Variants in MLIP observed in about 807,000 individuals in gnomAD.
MLIP encodes muscular LMNA-interacting protein.
MLIP carries 79 observed loss-of-function variants against 84.8 expected under a neutral mutation model. The observed-to-expected ratio is 0.93, with a 90% CI of 0.78 to 1.12. MLIP has a LOEUF of 1.12. Ranked by LOEUF, MLIP falls within the 50% of genes most tolerant of loss-of-function variation. The pLI is 0.00. For synonymous variants in MLIP, 504 were observed against 463.0 expected, an observed-to-expected ratio of 1.09 and a Z score of -1.14; for missense variants, 1,257 against 1,160.6, an observed-to-expected ratio of 1.08 and a Z score of -1.21.
chr6:54,216,095 T>A (rs1779836617), intron 11 of MLIP: 3 of 924,658 alleles, frequency 3.2e-6, no homozygotes, highest in Non-Finnish European at 3.9e-6. Flanking sequence ...TGTTGCCATA[T>A]CTAATTGTTA....
intron 1 of MLIP, among the ~76,000 whole-genome samples, chr6:54,100,037 T>A (rs2150387303): frequency 6.6e-6 from 1 of 152,300 alleles, no homozygotes; most frequent in African/African-American, 2.4e-5. Context: ...TGGTTCTACG[T>A]ACACACTTAA....
chr6:54,038,236 C>T (rs1387556058), intron 1 of MLIP, among the ~76,000 whole-genome samples: 5 of 151,850 alleles, frequency 3.3e-5, no homozygotes, highest in Non-Finnish European at 5.9e-5. Context: ...GAGGTTTCCC[C>T]TTATGTTTGA....
At chr6:54,134,471 G>A (rs1771643952) in intron 3 of MLIP, among the ~76,000 whole-genome samples, 2 of 151,762 alleles carry the variant, frequency 1.3e-5, no homozygotes, top group Non-Finnish European at 2.9e-5. Context: ...TAAAAATTAT[G>A]TGCAGATTAA....
intron 8 of MLIP, among the ~76,000 whole-genome samples, chr6:54,161,256 C>T (rs1012195848): frequency 4.6e-5 from 7 of 151,862 alleles, no homozygotes; most frequent in Middle Eastern, 3.4e-3. Context: ...AGAGCTTTAA[C>T]GGAAGTATTA....
At chr6:54,123,088 C>A (rs552619763) in intron 2 of MLIP, among the ~76,000 whole-genome samples, 56 of 141,212 alleles carry the variant, frequency 4.0e-4, no homozygotes, top group Middle Eastern at 3.6e-3. Flanking sequence ...CCTCTGCCAC[C>A]GCGCCCGGCT....
At chr6:54,165,881 A>G (rs2150578215) in intron 8 of MLIP, among the ~76,000 whole-genome samples, 1 of 151,982 alleles carries the variant, frequency 6.6e-6, no homozygotes, top group Non-Finnish European at 1.5e-5. Flanking sequence ...TATGAATGGG[A>G]TAAGTTCCCT....
At chr6:54,057,242 C>G (rs974991191) in intron 1 of MLIP, among the ~76,000 whole-genome samples, 3 of 152,164 alleles carry the variant, frequency 2.0e-5, no homozygotes, top group African/African-American at 7.2e-5. Flanking sequence ...CATAACAATT[C>G]CATATGGCTG....
In MLIP at chr6:54,103,903, G is replaced by T. The variant is rs1210122106; in HGVS notation, c.64-17544G>T. Among the ~76,000 whole-genome samples, 5 of 152,094 alleles carry T rather than the reference G, an allele frequency of 3.3e-5. No individual in the cohort carries two copies. In the East Asian group the frequency reaches 7.7e-4, roughly 23 times the overall value. On this transcript the variant is annotated intron_variant, in intron 1 of 12. Transcript: ENST00000274897. ...ATGTGACTCTAATGACAAAACATTG[G>T]CTATCATTGTTCTTTTCTATTATAT...
intron 13 of MLIP, among the ~76,000 whole-genome samples, chr6:54,257,576 C>T (rs1172770479): frequency 6.6e-6 from 1 of 152,006 alleles, no homozygotes; most frequent in African/African-American, 2.4e-5. Flanking sequence ...TAGAGTTCCC[C>T]GTGTCTGATA....
chr6:54,155,753 A>G (rs560736872), intron 5 of MLIP, among the ~76,000 whole-genome samples: 4 of 152,056 alleles, frequency 2.6e-5, no homozygotes, highest in Admixed American at 1.3e-4. Context: ...CCTAATTTTA[A>G]TGTAGTGCTA....
chr6:54,220,984 A>G (rs1196287670), intron 11 of MLIP, among the ~76,000 whole-genome samples: 1 of 152,158 alleles, frequency 6.6e-6, no homozygotes, highest in Non-Finnish European at 1.5e-5. Context: ...CATGAGAAGG[A>G]TTATGAAAAT....
chr6:54,221,487 CA>C (rs1780216513), intron 11 of MLIP, among the ~76,000 whole-genome samples: 1 of 151,778 alleles, frequency 6.6e-6, no homozygotes, highest in Non-Finnish European at 1.5e-5. Context: ...TCATAATCTG[CA>C]AAATGGGCAG....
At chr6:54,211,126 G>C (rs1029626508) in intron 11 of MLIP, among the ~76,000 whole-genome samples, 1 of 152,090 alleles carries the variant, frequency 6.6e-6, no homozygotes, top group Non-Finnish European at 1.5e-5. Flanking sequence ...TATAATCCCA[G>C]CTACTCAGGA....
At chr6:54,024,740 G>A (rs929220504) in intron 1 of MLIP, among the ~76,000 whole-genome samples, 2 of 152,162 alleles carry the variant, frequency 1.3e-5, no homozygotes, top group Non-Finnish European at 2.9e-5. Flanking sequence ...TTCTCACATG[G>A]ACCTGTGGTA....
At chr6:54,033,709 C>T (rs557812793) in intron 1 of MLIP, among the ~76,000 whole-genome samples, 1 of 152,144 alleles carries the variant, frequency 6.6e-6, no homozygotes, top group East Asian at 1.9e-4. Context: ...CTCCCCATCA[C>T]CCCTTTATGA....
Position 54,206,459 on chromosome 6 carries a change from A to T in MLIP, c.2718+4226A>T, listed in dbSNP as rs191481347. Among the ~76,000 whole-genome samples the T allele has an allele frequency of 1.9e-3, 296 of 151,834 alleles. 1 individual carries two copies. Among genetic ancestry groups the T allele is most frequent in the Non-Finnish European group, 1.6e-3 (107 of 67,872 alleles). ...TGAGAAATAACACTTTCCAGCATGT[A>T]TGCCTCTTAAAATTTATTTTTCTTC... On this transcript the variant is annotated intron_variant, in intron 11 of 13. Transcript: ENST00000502396.
intron 12 of MLIP, among the ~76,000 whole-genome samples, chr6:54,243,429 C>T (rs945441523): frequency 6.6e-6 from 1 of 152,094 alleles, no homozygotes; most frequent in African/African-American, 2.4e-5. Context: ...TTCCACCTTC[C>T]TGAACATAAT....
chr6:54,210,157 G>T (rs1450416959), intron 11 of MLIP, among the ~76,000 whole-genome samples: 1 of 152,290 alleles, frequency 6.6e-6, no homozygotes, highest in Non-Finnish European at 1.5e-5. Flanking sequence ...GCACCGCACC[G>T]CACCGCACCA....
intron 4 of MLIP, among the ~76,000 whole-genome samples, chr6:54,140,117 A>G (rs1411003397): frequency 6.6e-6 from 1 of 152,158 alleles, no homozygotes; most frequent in Non-Finnish European, 1.5e-5. Flanking sequence ...TCACAATCTA[A>G]TCATTACTGT....
Sources: gnomAD v4.1 joint callset for allele counts (sites outside exome capture counted in the v4.1 genomes callset) on GRCh38, gnomAD v4.1.1 for gene constraint, MANE v1.5 for transcripts, NCBI Gene and HGNC (gene_info 2026-07-23, HGNC 2026-07-21) for gene names.